MACROD2: variants seen among roughly 807,000 people sequenced by gnomAD.
The protein encoded by MACROD2 is ADP-ribose glycohydrolase MACROD2.
A neutral mutation model predicts 70.4 loss-of-function variants in MACROD2; 36 were observed. That is an observed-to-expected ratio of 0.51 (90% confidence interval 0.39 to 0.68). MACROD2 has a LOEUF of 0.68. Among genes scored for constraint, MACROD2 ranks in the 30% least tolerant of loss-of-function variants. MACROD2 has a pLI of 0.00. For missense variants in MACROD2, 496 were observed against 538.4 expected (o/e 0.92, Z 0.78); for synonymous variants, 172 against 178.8 (o/e 0.96, Z 0.30).
In MACROD2 at chr20:14,864,596, A is replaced by G. The variant is rs147830856; in HGVS notation, c.418+179637A>G. ...GTGCGAACAAATTTCTTTTCCCTATAGAGAAATAGTGAGTGTTGAACCGAC... is the reference window on the plus strand; with the variant it reads ...GTGCGAACAAATTTCTTTTCCCTATGGAGAAATAGTGAGTGTTGAACCGAC... On this transcript the variant is annotated intron_variant, in intron 5 of 17. Coordinates refer to ENST00000684519, the MANE Select transcript of MACROD2 (RefSeq NM_001351661.2). Among the ~76,000 whole-genome samples the G allele has an allele frequency of 7.0e-3, 1,067 of 152,230 alleles. 11 individuals carry two copies. Among genetic ancestry groups the G allele is most frequent in the African/African-American group, 0.024 (1,004 of 41,540 alleles).
intron 8 of MACROD2, among the ~76,000 whole-genome samples, chr20:15,715,446 A>G (rs1448017224): frequency 1.3e-5 from 2 of 152,218 alleles, no homozygotes; most frequent in Non-Finnish European, 2.9e-5. Flanking sequence ...AAAAACTTAT[A>G]GTATTAAAAT....
rs369237742 is a variant in MACROD2 at position 14,393,744 on chromosome 20, C to T, written c.272-99735C>T. Among the ~76,000 whole-genome samples the T allele has an allele frequency of 2.6e-5, 4 of 152,244 alleles. No individual in the cohort carries two copies. In the East Asian group the frequency reaches 5.8e-4, roughly 22 times the overall value. On this transcript the variant is annotated intron_variant, in intron 3 of 17. Coordinates refer to ENST00000684519, the MANE Select transcript of MACROD2 (RefSeq NM_001351661.2). ...CATATGTGAGGGGAGTTGTTATGGA[C>T]TGAATGTTTGTGTTTCCCCAGAATT...
intron 3 of MACROD2, among the ~76,000 whole-genome samples, chr20:14,332,624 A>G (rs2082865516): frequency 6.6e-6 from 1 of 152,140 alleles, no homozygotes; most frequent in Admixed American, 6.6e-5. Context: ...ATTTTTAATG[A>G]TTTCTCTCAC....
At chr20:14,257,348 A>G (rs58694064) in intron 3 of MACROD2, among the ~76,000 whole-genome samples, 57,364 of 151,984 alleles carry the variant, frequency 0.38, 12,452 homozygotes, top group African/African-American at 0.57. Context: ...TTTAAGATGC[A>G]GATTACTTTA....
At chr20:15,171,272 A>C (rs1380062634) in intron 5 of MACROD2, among the ~76,000 whole-genome samples, 2 of 140,474 alleles carry the variant, frequency 1.4e-5, no homozygotes, top group African/African-American at 2.7e-5. Context: ...CTTCCCCTCT[A>C]TCTCTCTCCC....
chr20:15,285,544 GT>G (rs2077483428), intron 6 of MACROD2, among the ~76,000 whole-genome samples: 7 of 152,116 alleles, frequency 4.6e-5, no homozygotes, highest in Admixed American at 4.6e-4. Flanking sequence ...TCAATATGAA[GT>G]TTTCAATCTC....
intron 4 of MACROD2, among the ~76,000 whole-genome samples, chr20:14,596,097 T>A (rs1456986088): frequency 6.6e-6 from 1 of 151,712 alleles, no homozygotes; most frequent in Non-Finnish European, 1.5e-5. Flanking sequence ...GTAATTTTTT[T>A]ATTTTTTAGA....
intron 6 of MACROD2, among the ~76,000 whole-genome samples, chr20:15,294,155 A>G (rs1201202597): frequency 1.3e-5 from 2 of 149,810 alleles, no homozygotes; most frequent in Non-Finnish European, 3.0e-5. Context: ...AGGAGTTTTT[A>G]TATAAACTCT....
intron 3 of MACROD2, among the ~76,000 whole-genome samples, chr20:14,366,092 C>G (rs1275377800): frequency 2.6e-5 from 4 of 152,034 alleles, no homozygotes; most frequent in African/African-American, 9.7e-5. Context: ...GGTGGAGTGT[C>G]CTATATGTAT....
chr20:15,663,696 C>G (rs2049856201), intron 8 of MACROD2, among the ~76,000 whole-genome samples: 1 of 151,988 alleles, frequency 6.6e-6, no homozygotes, highest in South Asian at 2.1e-4. Context: ...TCTAATGATG[C>G]CTACTTTCAA....
At chr20:14,841,568 A>G (rs182271861) in intron 5 of MACROD2, among the ~76,000 whole-genome samples, 95 of 152,074 alleles carry the variant, frequency 6.2e-4, no homozygotes, top group Non-Finnish European at 5.0e-4. Flanking sequence ...TGCCACATAC[A>G]ATGTATTTGA....
At chr20:14,991,287 C>T (rs1044884482) in intron 5 of MACROD2, among the ~76,000 whole-genome samples, 11 of 152,090 alleles carry the variant, frequency 7.2e-5, no homozygotes, top group African/African-American at 2.7e-4. Flanking sequence ...CATACCATAA[C>T]AACTTTGCAT....
chr20:15,607,450 T>C (rs1568925419), intron 8 of MACROD2, among the ~76,000 whole-genome samples: 2 of 152,262 alleles, frequency 1.3e-5, no homozygotes, highest in Admixed American at 6.5e-5. Flanking sequence ...ATCCTGCATC[T>C]ATTCTGCTCT....
At chr20:14,122,991 T>A (rs964384099) in intron 3 of MACROD2, among the ~76,000 whole-genome samples, 4 of 152,136 alleles carry the variant, frequency 2.6e-5, no homozygotes, top group Non-Finnish European at 5.9e-5. Context: ...ACTAGTGTTT[T>A]TTGATGAGGT....
At chr20:14,007,800 T>A (rs2052843530) in intron 2 of MACROD2, among the ~76,000 whole-genome samples, 1 of 152,188 alleles carries the variant, frequency 6.6e-6, no homozygotes, top group Non-Finnish European at 1.5e-5. Context: ...TTATGCTAAT[T>A]TTCTCTGACT....
At chr20:14,702,293 A>G (rs2123638366) in intron 5 of MACROD2, among the ~76,000 whole-genome samples, 1 of 151,864 alleles carries the variant, frequency 6.6e-6, no homozygotes, top group South Asian at 2.1e-4. Context: ...AAATAAAATA[A>G]CCAGTTATTT....
chr20:14,007,570 A>C (rs558147043), intron 2 of MACROD2, among the ~76,000 whole-genome samples: 95 of 152,350 alleles, frequency 6.2e-4, no homozygotes, highest in Non-Finnish European at 1.1e-3. Context: ...GTAGAAAGAC[A>C]AAGGTAGATA....
At chr20:14,660,389 T>C (rs1422093431) in intron 4 of MACROD2, among the ~76,000 whole-genome samples, 1 of 152,236 alleles carries the variant, frequency 6.6e-6, no homozygotes, top group African/African-American at 2.4e-5. Flanking sequence ...TTCTCCTTCA[T>C]AAATACTTTG....
At chr20:15,749,107 A>G (rs1348022902) in intron 8 of MACROD2, among the ~76,000 whole-genome samples, 1 of 152,130 alleles carries the variant, frequency 6.6e-6, no homozygotes, top group African/African-American at 2.4e-5. Context: ...TTGAACTTTA[A>G]TTAACTTTTG....
Sources: allele counts gnomAD v4.1 joint callset (sites outside exome capture counted in the v4.1 genomes callset), GRCh38; gene constraint gnomAD v4.1.1; transcripts MANE v1.5; gene names NCBI Gene and HGNC (gene_info 2026-07-23, HGNC 2026-07-21).